The following VSIG2 variants were observed in gnomAD, a reference collection of about 807,000 sequenced individuals.
The protein encoded by VSIG2 is V-set and immunoglobulin domain-containing protein 2.
VSIG2 carries 30 observed loss-of-function variants against 29.4 expected under a neutral mutation model. The ratio of observed to expected loss-of-function variants is 1.02; its 90% CI spans 0.76 to 1.38. VSIG2 has a LOEUF of 1.38. Among genes scored for constraint, VSIG2 ranks in the 40% most tolerant of loss-of-function variants. The pLI is 0.00. For missense variants in VSIG2, 421 were observed against 400.8 expected (o/e 1.05, Z -0.43); for synonymous variants, 178 against 174.2 (o/e 1.02, Z -0.17).
In VSIG2 at chr11:124,751,441, G is replaced by A. The variant is rs757779889; in HGVS notation, c.201C>T (p.Pro67=). ...LEWSFVQPGK[P]ISESHPILYF... ...AGCTCACTGGATGGGACTCAGAGATGGGTTTCCCAGGCTGCACAAAGCTCC... is the reference window on the plus strand; with the variant it reads ...AGCTCACTGGATGGGACTCAGAGATAGGTTTCCCAGGCTGCACAAAGCTCC... Residue 67 remains proline, a synonymous_variant, in exon 2 of 7, where the codon CCC becomes CCT. Transcript: ENST00000326621. 1 of 1,612,478 alleles carries A rather than the reference G, an allele frequency of 6.2e-7. No individual in the cohort carries two copies. The highest frequency in any genetic ancestry group is 8.5e-7 in the Non-Finnish European group (1 of 1,180,006).
At chr11:124,751,970 A>G in intron 1 of VSIG2, 107 bp downstream of exon 1, 1 of 1,329,794 alleles carries the variant, frequency 7.5e-7, no homozygotes, top group Non-Finnish European at 9.9e-7. Flanking sequence ...CCTGGCGCCC[A>G]CGGCAGCCTC....
chr11:124,747,665 T>C lies in VSIG2; in HGVS notation c.854A>G (p.Glu285Gly), dbSNP rs1258365184. Residue 285 changes from glutamate to glycine, a missense_variant and splice_region_variant, in exon 7 of 7, where the codon GAG (glutamate) becomes GGG (glycine). Physicochemically the swap from Glu to Gly is moderately conservative, Grantham distance 98 (BLOSUM62 -2). Coordinates refer to ENST00000326621, the MANE Select transcript of VSIG2 (RefSeq NM_014312.5). The stretch of plus-strand genomic sequence containing the variant: ...AGAGATCCCAGGAGCGATGGCATCC[T>C]CCCTGATGGGTATAGGCAAGTTCTG... Reference protein sequence around the residue: ...KETYGGSDLREDAIAPGISEH... With the variant: ...KETYGGSDLRGDAIAPGISEH... 5 of 1,613,372 alleles carry C rather than the reference T, an allele frequency of 3.1e-6. No homozygotes were observed. Among genetic ancestry groups the C allele is most frequent in the Non-Finnish European group, 4.2e-6 (5 of 1,179,704 alleles).
At position 124,751,454 on chromosome 11, in the gene VSIG2, T is replaced by G; in HGVS notation, c.188A>C (p.Gln63Pro). 6.2e-7 allele frequency: 1 copy of G among 1,613,028 alleles called. No individual in the cohort carries two copies. The highest frequency in any genetic ancestry group is 1.3e-5 in the African/African-American group (1 of 75,048). Reference protein sequence around the residue: ...DSFALEWSFVQPGKPISESHP... With the variant: ...DSFALEWSFVPPGKPISESHP... ...GGACTCAGAGATGGGTTTCCCAGGC[T>G]GCACAAAGCTCCACTCCAGGGCGAA... is the stretch of plus-strand genomic sequence containing the variant. Residue 63 changes from glutamine (Q) to proline (P), a missense_variant, in exon 2 of 7, where the codon CAG becomes CCG. Transcript: ENST00000326621.
intron 4 of VSIG2, among the ~76,000 whole-genome samples, chr11:124,749,247 A>G (rs541680778): frequency 5.8e-4 from 89 of 152,248 alleles, no homozygotes; most frequent in African/African-American, 2.1e-3. Context: ...TTGATAAAGG[A>G]GTTTGCTGGG....
chr11:124,748,516 A>T lies in VSIG2; in HGVS notation c.725T>A (p.Val242Glu), dbSNP rs369105990. The T allele has an allele frequency of 6.2e-6, 10 of 1,613,922 alleles. No individual in the cohort carries two copies. In the African/African-American group the frequency reaches 1.2e-4, roughly 19 times the overall value. ...LSVTEPSQGR[V>E]AGALIGVLLG... The stretch of plus-strand genomic sequence containing the variant: ...GAGCACCCCAATCAGAGCTCCGGCC[A>T]CTCGGCCTTGGGAGGGTTCTAAGGA... The change falls in exon 6 of 7, where the codon GTG becomes GAG. Residue 242 changes from valine (V) to glutamate (E), a missense_variant. Val to Glu is a moderately radical substitution (Grantham distance 121). Transcript: ENST00000326621.
intron 1 of VSIG2, among the ~76,000 whole-genome samples, 186 bp from the exon 2 acceptor site, chr11:124,751,766 A>C (rs1016017641): frequency 1.2e-4 from 19 of 152,288 alleles, no homozygotes; most frequent in Admixed American, 9.1e-4. Context: ...TTTGTGGGTA[A>C]AAGAGCCGGA....
intron 6 of VSIG2, 25 bp from the exon 7 acceptor site, chr11:124,747,692 G>A (rs371199227): frequency 6.2e-7 from 1 of 1,608,976 alleles, no homozygotes; most frequent in Non-Finnish European, 8.5e-7. Context: ...CAAGTTCTGA[G>A]TGAACAGTAG....
rs748926432 is a variant in VSIG2 at position 124,749,949 on chromosome 11, CATTCT to C, written c.428-88_428-84del. The C allele has an allele frequency of 8.6e-3, 12,084 of 1,404,898 alleles. 62 individuals carry two copies. The highest frequency in any genetic ancestry group is 0.01 in the Non-Finnish European group (11,088 of 1,072,236). 87.0% of individuals were successfully genotyped at this position (1,404,898 alleles called of 1,614,324 possible). ...CCACTCCCAACTCCATTAGGTGCTACATTCTCTACTTCAATACCCCTATCAAACAG... is the reference window on the plus strand; with the variant it reads ...CCACTCCCAACTCCATTAGGTGCTACCTACTTCAATACCCCTATCAAACAG... On this transcript the variant is annotated intron_variant, in intron 3 of 6. Coordinates refer to ENST00000326621, the MANE Select transcript of VSIG2 (RefSeq NM_014312.5).
chr11:124,750,208 C>G (rs1288743341), intron 3 of VSIG2, among the ~76,000 whole-genome samples: 1 of 152,254 alleles, frequency 6.6e-6, no homozygotes, highest in Admixed American at 6.5e-5. Context: ...GTAATACACC[C>G]ATCCGAGGCC....
chr11:124,751,643 A>AC (rs1944088321), intron 1 of VSIG2, 63 bp from the exon 2 acceptor site: 6 of 1,469,542 alleles, frequency 4.1e-6, no homozygotes. Context: ...GGTCGGGCCC[A>AC]CCCCCGGGCA....
At position 124,749,886 on chromosome 11, in the gene VSIG2, A is replaced by AAAAAAAAAC. The variant is rs1555108861; in HGVS notation, c.428-21_428-20insGTTTTTTTT. 108 of 1,278,342 alleles carry AAAAAAAAAC rather than the reference A, an allele frequency of 8.4e-5. 1 individual carries two copies. Among genetic ancestry groups the AAAAAAAAAC allele is most frequent in the Non-Finnish European group, 9.2e-5 (90 of 976,238 alleles). 79.2% of individuals were successfully genotyped at this position (1,278,342 alleles called of 1,614,324 possible). A position where few individuals can be genotyped will look rare whatever the true frequency, so the allele number is the denominator to read the frequency against. ...GGGGAACTGCAAAAAAAAAAAAAAA[A>AAAAAAAAAC]AAAAAAAAACAGAAAGTTCCTCAGC... On this transcript the variant is annotated intron_variant, in intron 3 of 6. Transcript: ENST00000326621.
chr11:124,750,172 A>T (rs1279203081), intron 3 of VSIG2, among the ~76,000 whole-genome samples: 1 of 152,256 alleles, frequency 6.6e-6, no homozygotes, highest in African/African-American at 2.4e-5. Flanking sequence ...TCCACATGAC[A>T]GCCCTTTGGA....
In VSIG2 at chr11:124,751,283, TG is replaced by T. The variant is rs530383624; in HGVS notation, c.219+139del. On this transcript the variant is annotated intron_variant, in intron 2 of 6. Transcript: ENST00000326621. ...TACACGGTCAGGCAGACTGCAGCTC[TG>T]AAAAGATCTAGGGAGAGCCCACTTA... 24 of 1,035,008 alleles carry T rather than the reference TG, an allele frequency of 2.3e-5. No individual in the cohort carries two copies. In the African/African-American group the frequency reaches 3.5e-4, roughly 15 times the overall value. 64.1% of individuals were successfully genotyped at this position (1,035,008 alleles called of 1,614,324 possible).
chr11:124,749,701 C>T lies in VSIG2; in HGVS notation c.586+7G>A. ...AGTACCCTCTTCCTGATGCCCTGGG[C>T]CCTTACCTTGAACCATGCTGCCAGG... is the stretch of plus-strand genomic sequence containing the variant. On this transcript the variant is annotated splice_region_variant and intron_variant, in intron 4 of 6. Coordinates refer to ENST00000326621, the MANE Select transcript of VSIG2 (RefSeq NM_014312.5). The T allele has an allele frequency of 6.2e-7, 1 of 1,611,860 alleles. No homozygotes were observed. The highest frequency in any genetic ancestry group is 8.5e-7 in the Non-Finnish European group (1 of 1,179,146).
intron 6 of VSIG2, 161 bp downstream of exon 6, chr11:124,748,225 CAAAT>C: frequency 3.8e-6 from 3 of 787,866 alleles, no homozygotes; most frequent in Non-Finnish European, 4.0e-6. Flanking sequence ...CCTGTACCCT[CAAAT>C]ACACAGGTTA....
In VSIG2 at chr11:124,750,702, A is replaced by G. The variant is rs1392878156; in HGVS notation, c.427+12T>C. ...AAGAGTATGTGGCTCGTGGATCCCC[A>G]GTCTGCCTTACCCAGCACAGTAAGG... On this transcript the variant is annotated intron_variant, in intron 3 of 6. Coordinates refer to ENST00000326621, the MANE Select transcript of VSIG2 (RefSeq NM_014312.5). 1 of 1,612,630 alleles carries G rather than the reference A, an allele frequency of 6.2e-7. No individual in the cohort carries two copies. Among genetic ancestry groups the G allele is most frequent in the South Asian group, 1.1e-5 (1 of 90,904 alleles).
In VSIG2 at chr11:124,750,702, A is replaced by C. The variant is rs1392878156; in HGVS notation, c.427+12T>G. 9.3e-6 allele frequency: 15 copies of C among 1,612,630 alleles called. No homozygotes were observed. Among genetic ancestry groups the C allele is most frequent in the Admixed American group, 1.7e-5 (1 of 59,874 alleles). On this transcript the variant is annotated intron_variant, in intron 3 of 6. Transcript: ENST00000326621. ...AAGAGTATGTGGCTCGTGGATCCCCAGTCTGCCTTACCCAGCACAGTAAGG... is the reference window on the plus strand; with the variant it reads ...AAGAGTATGTGGCTCGTGGATCCCCCGTCTGCCTTACCCAGCACAGTAAGG...
In VSIG2 at chr11:124,748,462, G is replaced by A. The variant is rs183266468; in HGVS notation, c.779C>T (p.Ala260Val). The change falls in exon 6 of 7, where the codon GCG becomes GTG. Residue 260 changes from alanine to valine, a missense_variant. Physicochemically the swap from Ala to Val is moderately conservative, Grantham distance 64. Transcript: ENST00000326621. The part of the protein sequence containing the change: ...LLGVLLLSVA[A>V]FCLVRFQKER... ...TTTCTGGAACCTGACCAGGCAGAAC[G>A]CAGCAACTGACAGCAACAGCACGCC... 1.9e-5 allele frequency: 31 copies of A among 1,614,066 alleles called. No homozygotes were observed. Among genetic ancestry groups the A allele is most frequent in the East Asian group, 6.7e-5 (3 of 44,876 alleles).
At position 124,749,885 on chromosome 11, in the gene VSIG2, A is replaced by AAAAAAAAAAAAAAAAAAAAAAAAAAAAAC; in HGVS notation, c.428-20_428-19insGTTTTTTTTTTTTTTTTTTTTTTTTTTTT. Reference sequence around the variant, plus strand: ...GGGGGAACTGCAAAAAAAAAAAAAAAAAAAAAAAAACAGAAAGTTCCTCAG... The same window carrying AAAAAAAAAAAAAAAAAAAAAAAAAAAAAC: ...GGGGGAACTGCAAAAAAAAAAAAAAAAAAAAAAAAAAAAAAAAAAAAAAAAAAACAAAAAAAAAACAGAAAGTTCCTCAG... On this transcript the variant is annotated intron_variant, in intron 3 of 6. Transcript: ENST00000326621. The AAAAAAAAAAAAAAAAAAAAAAAAAAAAAC allele has an allele frequency of 7.1e-7, 1 of 1,417,532 alleles. No homozygotes were observed. The allele number at this position is 1,417,532 out of a possible 1,614,324, so 87.8% of individuals were successfully genotyped here. A position where few individuals can be genotyped will look rare whatever the true frequency, so the allele number is the denominator to read the frequency against.
Sources: allele counts gnomAD v4.1 joint callset (sites outside exome capture counted in the v4.1 genomes callset), GRCh38; gene constraint gnomAD v4.1.1; transcripts MANE v1.5; gene names NCBI Gene and HGNC (gene_info 2026-07-23, HGNC 2026-07-21).